The following MTHFD2L variants were observed in gnomAD, a reference collection of about 807,000 sequenced individuals.
MTHFD2L encodes bifunctional methylenetetrahydrofolate dehydrogenase/cyclohydrolase 2, mitochondrial.
MTHFD2L carries 29 observed loss-of-function variants against 34.9 expected under a neutral mutation model. The observed-to-expected ratio is 0.83, with a 90% CI of 0.62 to 1.13. The LOEUF (loss-of-function observed/expected upper bound fraction) is 1.13. MTHFD2L is among the 50% of genes most tolerant of loss of function. The pLI, the probability that MTHFD2L is intolerant of heterozygous loss-of-function variation, is 0.00. For missense variants in MTHFD2L, 481 were observed against 446.5 expected, an observed-to-expected ratio of 1.08 and a Z score of -0.70; for synonymous variants, 167 against 155.7, an observed-to-expected ratio of 1.07 and a Z score of -0.54.
At chr4:74,252,600 T>C (rs1253595664) in intron 6 of MTHFD2L, among the ~76,000 whole-genome samples, 1 of 152,082 alleles carries the variant, frequency 6.6e-6, no homozygotes, top group Non-Finnish European at 1.5e-5. Context: ...ATATTTAAAA[T>C]GAAAAATATT....
chr4:74,250,706 C>T (rs769184923), intron 6 of MTHFD2L, among the ~76,000 whole-genome samples: 12 of 152,164 alleles, frequency 7.9e-5, no homozygotes, highest in Non-Finnish European at 1.5e-4. Flanking sequence ...GGTTGTTATA[C>T]TCCCTAGCAA....
intron 7 of MTHFD2L, among the ~76,000 whole-genome samples, chr4:74,299,207 T>C (rs1395660753): frequency 6.6e-6 from 1 of 151,938 alleles, no homozygotes; most frequent in Non-Finnish European, 1.5e-5. Flanking sequence ...AAATAAATCA[T>C]TTTGTTTTCC....
At chr4:74,248,474 A>G (rs1425355341) in intron 6 of MTHFD2L, among the ~76,000 whole-genome samples, 2 of 150,292 alleles carry the variant, frequency 1.3e-5, no homozygotes, top group Non-Finnish European at 3.0e-5. Flanking sequence ...TTGTGTCTCT[A>G]TTTCCTTCAG....
At chr4:74,131,937 A>G (rs979305430) in intron 1 of MTHFD2L, among the ~76,000 whole-genome samples, 1 of 152,222 alleles carries the variant, frequency 6.6e-6, no homozygotes, top group African/African-American at 2.4e-5. Flanking sequence ...ATGTGAACAG[A>G]CACTTCTTAA....
intron 6 of MTHFD2L, among the ~76,000 whole-genome samples, chr4:74,237,240 C>T (rs1236329813): frequency 2.0e-5 from 3 of 152,160 alleles, no homozygotes; most frequent in Non-Finnish European, 4.4e-5. Flanking sequence ...CTGTGACCTC[C>T]AGCAGCCAGG....
intron 7 of MTHFD2L, among the ~76,000 whole-genome samples, chr4:74,296,824 C>T (rs1269786971): frequency 3.9e-5 from 6 of 152,010 alleles, no homozygotes; most frequent in Admixed American, 3.9e-4. Flanking sequence ...AGTCACTCTA[C>T]TAAGTCTCAC....
chr4:74,167,952 G>C (rs1376558892), intron 1 of MTHFD2L, among the ~76,000 whole-genome samples: 4 of 152,008 alleles, frequency 2.6e-5, no homozygotes, highest in Non-Finnish European at 5.9e-5. Flanking sequence ...ACTCCCAAGG[G>C]TTCCACTCTC....
chr4:74,247,387 A>G (rs1165353156), intron 6 of MTHFD2L, among the ~76,000 whole-genome samples: 1 of 151,456 alleles, frequency 6.6e-6, no homozygotes, highest in Non-Finnish European at 1.5e-5. Flanking sequence ...GGGCTGAGAC[A>G]ATGGGGTTTT....
chr4:74,128,251 T>C (rs1223461120), intron 1 of MTHFD2L, among the ~76,000 whole-genome samples: 1 of 152,158 alleles, frequency 6.6e-6, no homozygotes, highest in Non-Finnish European at 1.5e-5. Flanking sequence ...CTTTATGTAA[T>C]CTCAATTGTC....
At chr4:74,143,522 C>A in intron 1 of MTHFD2L, 1 of 787,556 alleles carries the variant, frequency 1.3e-6, no homozygotes. Context: ...ACTAAACAAG[C>A]ACGGTTCCCT....
At chr4:74,250,945 C>G (rs1007748592) in intron 6 of MTHFD2L, among the ~76,000 whole-genome samples, 1 of 152,168 alleles carries the variant, frequency 6.6e-6, no homozygotes, top group Admixed American at 6.5e-5. Context: ...AAAAATGCCT[C>G]TCCCTTATGT....
chr4:74,195,999 A>G (rs1733403387), intron 3 of MTHFD2L, among the ~76,000 whole-genome samples: 1 of 152,064 alleles, frequency 6.6e-6, no homozygotes, highest in Non-Finnish European at 1.5e-5. Flanking sequence ...TTTTCCCTTT[A>G]GCTTAGTGAT....
At chr4:74,237,745 G>C (rs562530395) in intron 6 of MTHFD2L, among the ~76,000 whole-genome samples, 1 of 152,144 alleles carries the variant, frequency 6.6e-6, no homozygotes, top group Non-Finnish European at 1.5e-5. Context: ...TTCATACCTT[G>C]TTTGGGACTG....
At chr4:74,227,752 G>A (rs1052381331) in intron 6 of MTHFD2L, among the ~76,000 whole-genome samples, 5 of 152,154 alleles carry the variant, frequency 3.3e-5, no homozygotes, top group Non-Finnish European at 5.9e-5. Context: ...GATCAACATG[G>A]TCTGACTTAG....
At chr4:74,186,125 A>G (rs1182350842) in intron 3 of MTHFD2L, among the ~76,000 whole-genome samples, 2 of 152,130 alleles carry the variant, frequency 1.3e-5, no homozygotes, top group African/African-American at 2.4e-5. Flanking sequence ...AAAAATGAAA[A>G]TCATATAATC....
intron 6 of MTHFD2L, among the ~76,000 whole-genome samples, chr4:74,260,233 G>C (rs1019628224): frequency 3.3e-5 from 5 of 152,150 alleles, no homozygotes; most frequent in African/African-American, 1.2e-4. Flanking sequence ...GAGCCAGTTG[G>C]GGCCAGGAAT....
At chr4:74,239,747 A>G (rs986052462) in intron 6 of MTHFD2L, among the ~76,000 whole-genome samples, 1 of 152,188 alleles carries the variant, frequency 6.6e-6, no homozygotes, top group African/African-American at 2.4e-5. Flanking sequence ...TTTCAGATGA[A>G]GATAATAATC....
chr4:74,246,459 C>A (rs1289393337), intron 6 of MTHFD2L, among the ~76,000 whole-genome samples: 3 of 151,982 alleles, frequency 2.0e-5, no homozygotes, highest in Admixed American at 6.6e-5. Flanking sequence ...GTTTCTTTTG[C>A]TGTGCAGAAG....
intron 6 of MTHFD2L, among the ~76,000 whole-genome samples, chr4:74,244,991 G>C (rs917252434): frequency 6.6e-6 from 1 of 151,828 alleles, no homozygotes; most frequent in Admixed American, 6.6e-5. Context: ...TCAAGAGCTC[G>C]AGACCATCCT....
Sources: allele counts gnomAD v4.1 joint callset (sites outside exome capture counted in the v4.1 genomes callset), GRCh38; gene constraint gnomAD v4.1.1; transcripts MANE v1.5; gene names NCBI Gene and HGNC (gene_info 2026-07-23, HGNC 2026-07-21).